The following TFCP2L1 variants were observed in gnomAD, a reference collection of about 807,000 sequenced individuals.
TFCP2L1 encodes the protein transcription factor CP2 like 1.
In TFCP2L1, 12 loss-of-function variants were observed where a neutral mutation model predicts 72.2. That is an observed-to-expected ratio of 0.17 (90% CI 0.11 to 0.27). The LOEUF (loss-of-function observed/expected upper bound fraction) is 0.27, where lower values mean the gene tolerates loss of function less well. Among genes scored for constraint, TFCP2L1 ranks in the 10% least tolerant of loss-of-function variants. The pLI, the probability that TFCP2L1 is intolerant of heterozygous loss-of-function variation, is 1.00. For missense variants in TFCP2L1, 488 were observed against 624.6 expected, an observed-to-expected ratio of 0.78 and a Z score of 2.33; for synonymous variants, 260 against 251.0, an observed-to-expected ratio of 1.04 and a Z score of -0.34.
chr2:121,234,059 T>C, intron 12 of TFCP2L1, 32 bp downstream of exon 12: 1 of 1,582,542 alleles, frequency 6.3e-7, no homozygotes, highest in Non-Finnish European at 8.7e-7. Context: ...GGACCCAATG[T>C]GTGGGTCCCA....
intron 2 of TFCP2L1, among the ~76,000 whole-genome samples, chr2:121,255,248 A>G (rs1350112361): frequency 1.3e-5 from 2 of 152,212 alleles, no homozygotes; most frequent in Non-Finnish European, 2.9e-5. Context: ...TGTACAGCGT[A>G]ACTCCCCAAG....
At chr2:121,266,315 C>G (rs1477435222) in intron 2 of TFCP2L1, among the ~76,000 whole-genome samples, 1 of 151,718 alleles carries the variant, frequency 6.6e-6, no homozygotes, top group Non-Finnish European at 1.5e-5. Flanking sequence ...CAAAAAATTG[C>G]CAAAGTTAGT....
intron 10 of TFCP2L1, among the ~76,000 whole-genome samples, chr2:121,236,869 C>G (rs1357175165): frequency 6.6e-6 from 1 of 152,202 alleles, no homozygotes; most frequent in Non-Finnish European, 1.5e-5. Flanking sequence ...CCACTCCAAT[C>G]ACACAAGTCA....
rs569956116 is a variant in TFCP2L1, at chr2:121,252,719, G to A, written c.215-3072C>T. Among the ~76,000 whole-genome samples, 18 of 152,214 alleles carry A rather than the reference G, an allele frequency of 1.2e-4. No individual in the cohort carries two copies. The South Asian group carries it at 3.1e-3, about 26-fold the overall frequency. On this transcript the variant is annotated intron_variant, in intron 2 of 14. Coordinates refer to ENST00000263707, the MANE Select transcript of TFCP2L1 (RefSeq NM_014553.3). ...GATCCCCCAGGAGCATAACCCTGCCGAATTTCCGACTGCTAATCTCCAGAA... is the reference window on the plus strand; with the variant it reads ...GATCCCCCAGGAGCATAACCCTGCCAAATTTCCGACTGCTAATCTCCAGAA...
In TFCP2L1 at chr2:121,222,447, A is replaced by C. The variant is rs1454678563; in HGVS notation, c.*1894T>G. On this transcript the variant is annotated 3_prime_UTR_variant, in exon 15 of 15. Transcript: ENST00000263707. ...CAATAAACAAATGTGGTCTATCTAT[A>C]CAATGAAGTATTATTCAGCAATACA... is the stretch of plus-strand genomic sequence containing the variant. 4 of 152,250 alleles carry C rather than the reference A, an allele frequency of 2.6e-5. No homozygotes were observed. Among genetic ancestry groups the C allele is most frequent in the Non-Finnish European group, 5.9e-5 (4 of 68,040 alleles). 9.4% of individuals were successfully genotyped at this position (152,250 alleles called of 1,614,324 possible). A position where few individuals can be genotyped will look rare whatever the true frequency, so the allele number is the denominator to read the frequency against.
At chr2:121,259,841 G>GA (rs1372296247) in intron 2 of TFCP2L1, among the ~76,000 whole-genome samples, 6 of 151,684 alleles carry the variant, frequency 4.0e-5, no homozygotes, top group South Asian at 2.1e-4. Flanking sequence ...GTATTGGCCT[G>GA]AAAAAAAACA....
Position 121,221,349 on chromosome 2 carries a change from G to A in TFCP2L1, c.*2992C>T, listed in dbSNP as rs1685925911. 2.0e-5 allele frequency: 3 copies of A among 149,476 alleles called. No individual in the cohort carries two copies. The highest frequency in any genetic ancestry group is 7.4e-5 in the African/African-American group (3 of 40,454). 9.3% of individuals were successfully genotyped at this position (149,476 alleles called of 1,614,324 possible). On this transcript the variant is annotated 3_prime_UTR_variant, in exon 15 of 15. Transcript: ENST00000263707. ...ACTCAGGTAAAGAGGGAGACAGCAA[G>A]AACAGAGTAGAAAGGCAGCATAAAA...
intron 4 of TFCP2L1, among the ~76,000 whole-genome samples, chr2:121,248,554 C>T (rs750046848): frequency 2.0e-5 from 3 of 152,156 alleles, no homozygotes; most frequent in African/African-American, 2.4e-5. Context: ...GTACACACAT[C>T]GTATTGTCAT....
chr2:121,251,910 T>G (rs1281012804), intron 2 of TFCP2L1, among the ~76,000 whole-genome samples: 1 of 152,208 alleles, frequency 6.6e-6, no homozygotes, highest in African/African-American at 2.4e-5. Context: ...GGAAAGGACA[T>G]CTGGCTATAT....
chr2:121,235,972 G>A (rs1558729463), intron 10 of TFCP2L1, among the ~76,000 whole-genome samples: 1 of 152,072 alleles, frequency 6.6e-6, no homozygotes, highest in East Asian at 1.9e-4. Context: ...GTGCAGACAC[G>A]TTTTGCATGT....
In TFCP2L1 at chr2:121,231,797, G is replaced by A. The variant is rs769872705; in HGVS notation, c.1341+29C>T. On this transcript the variant is annotated intron_variant, in intron 13 of 14. Transcript: ENST00000263707. The stretch of plus-strand genomic sequence containing the variant: ...CTCCTCCCGTGGCCCAGAGCCCGTT[G>A]TCGGGGCAGGCCAGGCAGCAGCCCT... 4 of 1,609,370 alleles carry A rather than the reference G, an allele frequency of 2.5e-6. No homozygotes were observed. In the South Asian group the frequency reaches 4.4e-5, roughly 18 times the overall value.
At chr2:121,241,003 G>A (rs920879147) in intron 7 of TFCP2L1, among the ~76,000 whole-genome samples, 2 of 152,144 alleles carry the variant, frequency 1.3e-5, no homozygotes, top group African/African-American at 4.8e-5. Context: ...TCTCTTAGAC[G>A]CCTCAAGCCT....
At chr2:121,234,576 G>T (rs923287913) in intron 11 of TFCP2L1, among the ~76,000 whole-genome samples, 1 of 152,224 alleles carries the variant, frequency 6.6e-6, no homozygotes, top group South Asian at 2.1e-4. Context: ...GGAGGGCAAA[G>T]GGCTTTCCCT....
chr2:121,264,951 T>C (rs1201736244), intron 2 of TFCP2L1, among the ~76,000 whole-genome samples: 4 of 152,242 alleles, frequency 2.6e-5, no homozygotes, highest in Non-Finnish European at 5.9e-5. Context: ...AGTCACCATT[T>C]GACCCAGCAA....
chr2:121,274,723 T>C (rs1159479495), intron 2 of TFCP2L1, among the ~76,000 whole-genome samples: 2 of 152,258 alleles, frequency 1.3e-5, no homozygotes, highest in Admixed American at 6.5e-5. Context: ...CCAAGGAGGA[T>C]TGCTTGAGCT....
intron 10 of TFCP2L1, among the ~76,000 whole-genome samples, chr2:121,236,886 A>G (rs1034905762): frequency 2.6e-5 from 4 of 152,202 alleles, no homozygotes; most frequent in Admixed American, 2.6e-4. Context: ...GTCACGCTGC[A>G]CCGAAATGAG....
At chr2:121,235,998 T>G (rs1215650364) in intron 10 of TFCP2L1, among the ~76,000 whole-genome samples, 3 of 152,150 alleles carry the variant, frequency 2.0e-5, no homozygotes, top group African/African-American at 7.2e-5. Context: ...GAAGTTTCTG[T>G]ACATGGAATT....
intron 10 of TFCP2L1, among the ~76,000 whole-genome samples, chr2:121,236,668 A>C (rs1469475366): frequency 6.6e-6 from 1 of 151,890 alleles, no homozygotes; most frequent in Non-Finnish European, 1.5e-5. Context: ...CAGGGCCCCC[A>C]TCCTGTCCGT....
chr2:121,255,917 T>C (rs1199362702), intron 2 of TFCP2L1, among the ~76,000 whole-genome samples: 1 of 152,082 alleles, frequency 6.6e-6, no homozygotes, highest in East Asian at 1.9e-4. Flanking sequence ...TAATTTTTTG[T>C]ATTTTTAGTA....
Sources: allele counts gnomAD v4.1 joint callset (sites outside exome capture counted in the v4.1 genomes callset), GRCh38; gene constraint gnomAD v4.1.1; transcripts MANE v1.5; gene names NCBI Gene and HGNC (gene_info 2026-07-23, HGNC 2026-07-21).